Variants in RNF14 observed in about 807,000 individuals in gnomAD.
RNF14 encodes E3 ubiquitin-protein ligase RNF14.
A neutral mutation model predicts 52.6 loss-of-function variants in RNF14; 26 were observed. That is an observed-to-expected ratio of 0.49 (90% confidence interval 0.36 to 0.69). The LOEUF is 0.69. RNF14 is among the 30% of genes least tolerant of loss of function. RNF14 has a pLI of 0.00. For synonymous variants in RNF14, 194 were observed against 202.0 expected (o/e 0.96, Z 0.34); for missense variants, 404 against 560.4 (o/e 0.72, Z 2.82).
intron 2 of RNF14, among the ~76,000 whole-genome samples, chr5:141,971,567 CTTTCTTTCTTTCT>C (rs1561544472): frequency 9.8e-4 from 1 of 1,022 alleles, no homozygotes; most frequent in Non-Finnish European, 1.8e-3. Flanking sequence ...ATTTCTTTTT[CTTTCTTTCTTTCT>C]TTCTTTCTTT....
intron 6 of RNF14, among the ~76,000 whole-genome samples, chr5:141,982,417 G>A (rs1754866181): frequency 6.6e-6 from 1 of 152,182 alleles, no homozygotes; most frequent in Non-Finnish European, 1.5e-5. Context: ...GTGGAGATAG[G>A]ATATAGGATT....
chr5:141,986,085 CATT>C (rs1360432284), intron 8 of RNF14, among the ~76,000 whole-genome samples: 1 of 152,204 alleles, frequency 6.6e-6, no homozygotes, highest in Non-Finnish European at 1.5e-5. Flanking sequence ...TGATGTCCCT[CATT>C]AGTGTGGTGC....
intron 3 of RNF14, 47 bp from the exon 4 acceptor site, chr5:141,974,757 T>G: frequency 6.3e-7 from 1 of 1,592,552 alleles, no homozygotes; most frequent in South Asian, 1.1e-5. Context: ...TAGTGGACAC[T>G]CAAGTGTTGA....
chr5:141,956,235 G>C, upstream of RNF14: 1 of 1,614,212 alleles, frequency 6.2e-7, no homozygotes, highest in Non-Finnish European at 8.5e-7. Context: ...GTTGCCCGCT[G>C]TCCTCTGCGA....
upstream of RNF14, among the ~76,000 whole-genome samples, chr5:141,966,028 C>T (rs540855292): frequency 2.7e-5 from 4 of 150,688 alleles, no homozygotes; most frequent in South Asian, 4.2e-4. Flanking sequence ...CATCTGTAGT[C>T]GCGGCACTTT....
Position 141,980,173 on chromosome 5 carries a change from C to T in RNF14, c.885C>T (p.Leu295=). ...AELFARYDRL[L]LQSSLDLMAD... ...TATTTGCCCGTTATGACCGCCTTCT[C>T]CTCCAGTCCTCCTTGGACCTGATGG... Residue 295 remains leucine, a synonymous_variant, in exon 6 of 9, where the codon CTC becomes CTT. Transcript: ENST00000394520. The T allele has an allele frequency of 1.2e-6, 2 of 1,614,232 alleles. No individual in the cohort carries two copies. The highest frequency in any genetic ancestry group is 1.1e-5 in the South Asian group (1 of 91,076).
At chr5:141,961,937 C>A (rs913249678), upstream of RNF14, among the ~76,000 whole-genome samples, 9 of 152,316 alleles carry the variant, frequency 5.9e-5, no homozygotes, top group Admixed American at 5.9e-4. Flanking sequence ...GTCTTCCAGG[C>A]TTTCTCCTCG....
At position 141,960,901 on chromosome 5, in the gene RNF14, C is replaced by T. The variant is rs572405549; in HGVS notation, c.-181+2476C>T. ...TGCAGAAAACTCGTTTCCAGAGCGC[C>T]ATCTGGTGGCCAAAGGCAGAGAAAA... On this transcript the variant is annotated intron_variant, in intron 1 of 4. Coordinates refer to the RNF14 transcript ENST00000506822. Among the ~76,000 whole-genome samples, 99 of 152,210 alleles carry T rather than the reference C, an allele frequency of 6.5e-4. 1 individual carries two copies. Among genetic ancestry groups the T allele is most frequent in the Admixed American group, 2.4e-3 (37 of 15,302 alleles).
chr5:141,961,636 T>A (rs1381869211), intron 1 of RNF14, among the ~76,000 whole-genome samples: 2 of 152,106 alleles, frequency 1.3e-5, no homozygotes, highest in African/African-American at 4.8e-5. Flanking sequence ...ATATTTTTTT[T>A]AAAAGGGCAG....
upstream of RNF14, among the ~76,000 whole-genome samples, chr5:141,965,269 C>T (rs1180762418): frequency 2.6e-5 from 4 of 152,000 alleles, no homozygotes; most frequent in Non-Finnish European, 5.9e-5. Flanking sequence ...GGAACAAATG[C>T]AGGCACCGTC....
upstream of RNF14, chr5:141,956,993 T>G: frequency 1.2e-6 from 2 of 1,614,204 alleles, no homozygotes; most frequent in Non-Finnish European, 1.7e-6. Flanking sequence ...TCTGGAGGCA[T>G]GTGCTTACTG....
At chr5:141,965,640 G>A (rs1250144874), upstream of RNF14, among the ~76,000 whole-genome samples, 1 of 152,116 alleles carries the variant, frequency 6.6e-6, no homozygotes, top group Non-Finnish European at 1.5e-5. Context: ...CTCTAACCCT[G>A]GCTCCACCAC....
At chr5:141,975,111 A>G (rs1363168289) in intron 4 of RNF14, among the ~76,000 whole-genome samples, 156 bp downstream of exon 4, 1 of 152,254 alleles carries the variant, frequency 6.6e-6, no homozygotes, top group African/African-American at 2.4e-5. Flanking sequence ...TCCTGATGTT[A>G]AGAAATTGAA....
At chr5:141,966,483 C>T (rs1324731445), upstream of RNF14, among the ~76,000 whole-genome samples, 2 of 152,060 alleles carry the variant, frequency 1.3e-5, no homozygotes, top group Non-Finnish European at 2.9e-5. Flanking sequence ...CATAAAATTA[C>T]CTAAGTCATA....
At chr5:141,980,486 C>T in intron 6 of RNF14, 135 bp downstream of exon 6, 1 of 716,860 alleles carries the variant, frequency 1.4e-6, no homozygotes, top group South Asian at 1.8e-5. Context: ...CAGTGACTAT[C>T]TCAGGCCTTG....
At chr5:141,976,194 C>T (rs1318224983) in intron 4 of RNF14, among the ~76,000 whole-genome samples, 1 of 152,226 alleles carries the variant, frequency 6.6e-6, no homozygotes, top group Non-Finnish European at 1.5e-5. Flanking sequence ...GTTGATTTGT[C>T]CAGGAATATC....
At chr5:141,960,886 T>G (rs1345049903) in intron 1 of RNF14, among the ~76,000 whole-genome samples, 2 of 152,028 alleles carry the variant, frequency 1.3e-5, no homozygotes, top group Non-Finnish European at 2.9e-5. Flanking sequence ...TGCAGAAAAC[T>G]CGTTTCCAGA....
chr5:141,978,540 A>G lies in RNF14; in HGVS notation c.544A>G (p.Ile182Val). The G allele has an allele frequency of 6.2e-7, 1 of 1,614,192 alleles. No individual in the cohort carries two copies. Among genetic ancestry groups the G allele is most frequent in the Non-Finnish European group, 8.5e-7 (1 of 1,180,032 alleles). Reference protein sequence around the residue: ...AAGSDVDQEEIVDERAVQDVE... With the variant: ...AAGSDVDQEEVVDERAVQDVE... ...TGGATCTGATGTAGACCAAGAGGAA[A>G]TTGTGGATGAGAGAGCAGTGCAGGA... The change falls in exon 5 of 9, where the codon ATT becomes GTT. Residue 182 changes from isoleucine to valine, a missense_variant. By Grantham distance (29) the Ile-to-Val change is conservative (BLOSUM62 3). Transcript: ENST00000394520.
At chr5:141,979,230 G>T (rs71592134) in intron 5 of RNF14, among the ~76,000 whole-genome samples, 113,470 of 145,500 alleles carry the variant, frequency 0.78, 42,598 homozygotes, top group East Asian at 0.98. Context: ...TTAGGTGGTG[G>T]TGGTGTTGTT....
Sources: gnomAD v4.1 joint callset for allele counts (sites outside exome capture counted in the v4.1 genomes callset) on GRCh38, gnomAD v4.1.1 for gene constraint, MANE v1.5 for transcripts, NCBI Gene and HGNC (gene_info 2026-07-23, HGNC 2026-07-21) for gene names.